Variants in AKIRIN1 observed in about 807,000 individuals in gnomAD.
AKIRIN1 encodes akirin-1.
In AKIRIN1, 4 loss-of-function variants were observed where a neutral mutation model predicts 25.9. The ratio of observed to expected loss-of-function variants is 0.15; its 90% confidence interval spans 0.08 to 0.35. The LOEUF is 0.35. AKIRIN1 is among the 10% of genes least tolerant of loss of function. The probability of loss-of-function intolerance (pLI) is 1.00; values close to 1 mark genes in which losing one functional copy is unlikely to be tolerated. For missense variants in AKIRIN1, 243 were observed against 266.1 expected, an observed-to-expected ratio of 0.91 and a Z score of 0.61; for synonymous variants, 125 against 105.1, an observed-to-expected ratio of 1.19 and a Z score of -1.16.
intron 2 of AKIRIN1, among the ~76,000 whole-genome samples, chr1:38,999,686 G>A (rs1202594723): frequency 6.6e-6 from 1 of 152,106 alleles, no homozygotes; most frequent in East Asian, 1.9e-4. Context: ...GAGATGTTTT[G>A]GTTAGATTTT....
chr1:38,997,653 A>G (rs1360879556), intron 1 of AKIRIN1, among the ~76,000 whole-genome samples: 1 of 151,980 alleles, frequency 6.6e-6, no homozygotes. Flanking sequence ...TGGAGCCACC[A>G]CTTCCAGCTC....
At chr1:39,006,059 A>ATT (rs529339397), downstream of AKIRIN1, 171 of 150,694 alleles carry the variant, frequency 1.1e-3, 1 homozygote, top group African/African-American at 4.1e-3. Flanking sequence ...TTTACTTTGT[A>ATT]TTTGAAGGGT....
intron 2 of AKIRIN1, among the ~76,000 whole-genome samples, 161 bp from the exon 3 acceptor site, chr1:39,000,811 C>T (rs1288653402): frequency 6.6e-6 from 1 of 152,038 alleles, no homozygotes. Flanking sequence ...CATGCCCTAC[C>T]ACGCCCAGCT....
intron 1 of AKIRIN1, among the ~76,000 whole-genome samples, chr1:38,997,608 T>TC (rs1356922573): frequency 6.6e-6 from 1 of 151,848 alleles, no homozygotes; most frequent in Non-Finnish European, 1.5e-5. Context: ...TCCTCCCGCC[T>TC]CCCCCTGCAG....
At chr1:38,992,548 G>C (rs1343415364) in intron 1 of AKIRIN1, among the ~76,000 whole-genome samples, 1 of 152,074 alleles carries the variant, frequency 6.6e-6, no homozygotes. Context: ...CAGTAGCAGT[G>C]CCTTCAGGTT....
intron 2 of AKIRIN1, among the ~76,000 whole-genome samples, chr1:38,998,524 C>T (rs1643964446): frequency 1.3e-5 from 2 of 152,138 alleles, no homozygotes; most frequent in Non-Finnish European, 2.9e-5. Context: ...AGAATATCTT[C>T]CTGTATAACT....
intron 1 of AKIRIN1, 77 bp downstream of exon 1, chr1:38,991,677 G>GGGGGGA: frequency 5.2e-6 from 1 of 192,414 alleles, no homozygotes; most frequent in Non-Finnish European, 1.1e-5. Flanking sequence ...GGAGGGTTGG[G>GGGGGGA]AATACCAGGC....
At chr1:38,994,315 T>G (rs1172965664) in intron 1 of AKIRIN1, among the ~76,000 whole-genome samples, 1 of 152,202 alleles carries the variant, frequency 6.6e-6, no homozygotes, top group African/African-American at 2.4e-5. Context: ...TGGTACTTTT[T>G]GTGGAAAGGT....
At chr1:38,992,792 C>T (rs1643918074) in intron 1 of AKIRIN1, among the ~76,000 whole-genome samples, 1 of 152,152 alleles carries the variant, frequency 6.6e-6, no homozygotes, top group South Asian at 2.1e-4. Flanking sequence ...AGACCCACCG[C>T]TCTGTGCCCT....
chr1:39,002,738 AAAG>A lies in AKIRIN1; in HGVS notation c.497-602_497-600del, dbSNP rs577866276. ...GAGTGAGACTCCATCTCAAAAAAAA[AAAG>A]AAGAAGCTCTAATATATCATTCCCT... is the stretch of plus-strand genomic sequence containing the variant. On this transcript the variant is annotated intron_variant, in intron 3 of 4. Coordinates refer to ENST00000432648, the MANE Select transcript of AKIRIN1 (RefSeq NM_024595.3). 1.2e-3 allele frequency among the ~76,000 whole-genome samples: 187 copies of A among 152,190 alleles called. 1 individual carries two copies. The highest frequency in any genetic ancestry group is 4.0e-3 in the African/African-American group (167 of 41,554).
chr1:38,993,047 T>TA lies in AKIRIN1; in HGVS notation c.220+1448dup, dbSNP rs570516678. ...TTAGTTCTTCCCTAGCTCCTGCAGA[T>TA]ACCTAAAGATAGTCCATAATCTTTT... On this transcript the variant is annotated intron_variant, in intron 1 of 4. Coordinates refer to ENST00000432648, the MANE Select transcript of AKIRIN1 (RefSeq NM_024595.3). Among the ~76,000 whole-genome samples, 4 of 152,338 alleles carry TA rather than the reference T, an allele frequency of 2.6e-5. No individual in the cohort carries two copies. The South Asian group carries it at 8.3e-4, about 32-fold the overall frequency.
Position 39,005,323 on chromosome 1 carries a change from A to AAAAAC in AKIRIN1, c.*1268_*1269insAAAAC, listed in dbSNP as rs148712732. The AAAAAC allele has an allele frequency of 2.2e-3, 320 of 147,962 alleles. 7 individuals are homozygous for AAAAAC. Among genetic ancestry groups the AAAAAC allele is most frequent in the Non-Finnish European group, 3.6e-3 (244 of 66,974 alleles). The allele number at this position is 147,962 out of a possible 1,614,324, so 9.2% of individuals were successfully genotyped here. On this transcript the variant is annotated 3_prime_UTR_variant, in exon 5 of 5. Coordinates refer to ENST00000432648, the MANE Select transcript of AKIRIN1 (RefSeq NM_024595.3). The stretch of plus-strand genomic sequence containing the variant: ...ACTTCGTCTCAAAAAAAAAAAAAAA[A>AAAAAC]CATAGAATTTGGATCCTTTGGTCGG...
At chr1:39,002,131 C>T (rs980097054) in intron 3 of AKIRIN1, among the ~76,000 whole-genome samples, 13 of 152,290 alleles carry the variant, frequency 8.5e-5, no homozygotes, top group Non-Finnish European at 1.6e-4. Flanking sequence ...CATCATACTC[C>T]TTTTCTGATT....
chr1:39,003,201 T>G (rs1557643793), intron 3 of AKIRIN1, 146 bp from the exon 4 acceptor site: 2 of 734,364 alleles, frequency 2.7e-6, no homozygotes, highest in South Asian at 1.6e-5. Flanking sequence ...TTATATAAGG[T>G]CACTGGACTT....
intron 1 of AKIRIN1, among the ~76,000 whole-genome samples, chr1:38,992,936 A>G (rs1643920180): frequency 1.3e-5 from 2 of 152,210 alleles, no homozygotes; most frequent in South Asian, 2.1e-4. Context: ...GTATAACCTT[A>G]TGTACAGGAT....
chr1:39,003,301 A>C, intron 3 of AKIRIN1, 46 bp from the exon 4 acceptor site: 1 of 1,575,586 alleles, frequency 6.3e-7, no homozygotes, highest in Non-Finnish European at 8.7e-7. Flanking sequence ...ATTCTTAAAA[A>C]TTGAGGGAGA....
rs866863705 is a variant in AKIRIN1, at chr1:38,991,323, A to G, written c.-58A>G. Reference sequence around the variant, plus strand: ...GCTTGGCTGGCGAGCCCGGCTGAGGAGCCTCTTGGGCCGCACTTACCGCCG... The same window carrying G: ...GCTTGGCTGGCGAGCCCGGCTGAGGGGCCTCTTGGGCCGCACTTACCGCCG... On this transcript the variant is annotated 5_prime_UTR_variant, in exon 1 of 5. Coordinates refer to ENST00000432648, the MANE Select transcript of AKIRIN1 (RefSeq NM_024595.3). 2.3e-6 allele frequency: 3 copies of G among 1,289,590 alleles called. No individual in the cohort carries two copies. The highest frequency in any genetic ancestry group is 2.0e-6 in the Non-Finnish European group (2 of 1,013,628). The allele number at this position is 1,289,590 out of a possible 1,614,324, so 79.9% of individuals were successfully genotyped here.
chr1:38,991,399 C>A lies in AKIRIN1; in HGVS notation c.19C>A (p.Leu7Met). Reference protein sequence around the residue: MACGATLKRPMEFEAAL... With the variant: MACGATMKRPMEFEAAL... ...CAGCGGCATGGCGTGCGGGGCGACG[C>A]TGAAGCGGCCCATGGAGTTCGAGGC... The change falls in exon 1 of 5, where the codon CTG becomes ATG. Residue 7 changes from leucine (L) to methionine (M), a missense_variant. Around this residue, in one of 3 missense-constraint regions of AKIRIN1, gnomAD observed 28 missense variants for 46.4 expected, o/e 0.60. Coordinates refer to ENST00000432648, the MANE Select transcript of AKIRIN1 (RefSeq NM_024595.3). 1 of 1,344,616 alleles carries A rather than the reference C, an allele frequency of 7.4e-7. No homozygotes were observed. The allele number at this position is 1,344,616 out of a possible 1,614,324, so 83.3% of individuals were successfully genotyped here.
intron 1 of AKIRIN1, among the ~76,000 whole-genome samples, chr1:38,994,164 A>G (rs904939607): frequency 2.0e-5 from 3 of 152,070 alleles, no homozygotes; most frequent in South Asian, 2.1e-4. Flanking sequence ...GAGTGTCAAT[A>G]TGACACTCAA....
Sources: allele counts gnomAD v4.1 joint callset (sites outside exome capture counted in the v4.1 genomes callset), GRCh38; gene constraint gnomAD v4.1.1; regional missense constraint gnomAD v4.1.1; transcripts MANE v1.5; gene names NCBI Gene and HGNC (gene_info 2026-07-23, HGNC 2026-07-21).